The following VEGFC variants were observed in gnomAD, a reference collection of about 807,000 sequenced individuals.
The protein encoded by VEGFC is vascular endothelial growth factor C.
Under a neutral mutation model 46.1 loss-of-function variants are expected in VEGFC, and 12 were observed. The ratio of observed to expected loss-of-function variants is 0.26; its 90% CI spans 0.17 to 0.42. The LOEUF (loss-of-function observed/expected upper bound fraction) is 0.42. Ranked by LOEUF, VEGFC falls within the 10% of genes least tolerant of loss-of-function variation. The pLI, the probability that VEGFC is intolerant of heterozygous loss-of-function variation, is 1.00. For synonymous variants in VEGFC, 232 were observed against 195.5 expected (o/e 1.19, Z -1.56); for missense variants, 488 against 529.4 (o/e 0.92, Z 0.77).
intron 3 of VEGFC, among the ~76,000 whole-genome samples, chr4:176,723,881 A>G (rs1283625858): frequency 6.7e-6 from 1 of 148,790 alleles, no homozygotes; most frequent in Non-Finnish European, 1.5e-5. Flanking sequence ...TTTGTTACAT[A>G]GGTAAACTTT....
chr4:176,727,766 G>C lies in VEGFC; in HGVS notation c.552+12C>G, dbSNP rs372658424. ...GGGGCTCTCGCAGGTAGCAGGAATG[G>C]GCAATACCCACCGTCTTGCTGAGGT... On this transcript the variant is annotated intron_variant, in intron 3 of 6. Coordinates refer to ENST00000618562, the MANE Select transcript of VEGFC (RefSeq NM_005429.5). The C allele has an allele frequency of 1.1e-5, 17 of 1,605,258 alleles. No individual in the cohort carries two copies. The highest frequency in any genetic ancestry group is 1.4e-5 in the Non-Finnish European group (17 of 1,175,298).
intron 1 of VEGFC, 109 bp from the exon 2 acceptor site, chr4:176,729,855 C>A (rs1734932802): frequency 3.2e-6 from 2 of 631,500 alleles, no homozygotes; most frequent in East Asian, 3.4e-5. Flanking sequence ...TTCCCTAACA[C>A]AAATATTATT....
intron 1 of VEGFC, among the ~76,000 whole-genome samples, chr4:176,737,886 A>G (rs1301463891): frequency 6.6e-6 from 1 of 151,928 alleles, no homozygotes; most frequent in Non-Finnish European, 1.5e-5. Flanking sequence ...ATATTGTGGT[A>G]CATTCTTCAG....
Position 176,684,974 on chromosome 4 carries a change from G to A in VEGFC, c.1146-934C>T, listed in dbSNP as rs144422200. Among the ~76,000 whole-genome samples, 1,305 of 152,274 alleles carry A rather than the reference G, an allele frequency of 8.6e-3. 21 individuals are homozygous for A. The highest frequency in any genetic ancestry group is 0.03 in the African/African-American group (1,249 of 41,548). ...ACTCCTGGCCTCAAGTGATCTGCCC[G>A]CCTTGGCCTTCCAAAGTGCTAGGAT... On this transcript the variant is annotated intron_variant, in intron 6 of 6. Coordinates refer to ENST00000618562, the MANE Select transcript of VEGFC (RefSeq NM_005429.5).
chr4:176,751,732 TA>T (rs202122127), intron 1 of VEGFC, among the ~76,000 whole-genome samples: 20 of 150,872 alleles, frequency 1.3e-4, no homozygotes, highest in Admixed American at 7.3e-4. Context: ...TGTGTAAACG[TA>T]AAAAAAAAGC....
chr4:176,711,735 T>C (rs1734623878), intron 3 of VEGFC, 85 bp from the exon 4 acceptor site: 2 of 1,383,700 alleles, frequency 1.4e-6, no homozygotes, highest in African/African-American at 2.9e-5. Context: ...CGAAAAAGAG[T>C]GAGATTAGCT....
At chr4:176,691,412 G>A (rs3775198) in intron 4 of VEGFC, among the ~76,000 whole-genome samples, 35,057 of 152,030 alleles carry the variant, frequency 0.23, 6,628 homozygotes, top group African/African-American at 0.52. Context: ...TGCAAGGTAT[G>A]TCTATGTTGA....
intron 1 of VEGFC, among the ~76,000 whole-genome samples, chr4:176,759,976 TAA>T (rs202196961): frequency 0.011 from 1,699 of 152,058 alleles, 24 homozygotes; most frequent in Middle Eastern, 0.099. Flanking sequence ...TGTAAAGAAA[TAA>T]GTGTTTTTAC....
intron 4 of VEGFC, among the ~76,000 whole-genome samples, chr4:176,701,412 G>A (rs558363838): frequency 1.7e-4 from 26 of 152,146 alleles, no homozygotes; most frequent in African/African-American, 5.5e-4. Context: ...CCATAATTTC[G>A]GTGCAGAGAT....
At chr4:176,740,777 C>A (rs1054209959) in intron 1 of VEGFC, among the ~76,000 whole-genome samples, 5 of 151,530 alleles carry the variant, frequency 3.3e-5, no homozygotes, top group African/African-American at 1.2e-4. Flanking sequence ...TAAGCAAAGA[C>A]AAAAATCACA....
chr4:176,720,842 T>C (rs1734773702), intron 3 of VEGFC, among the ~76,000 whole-genome samples: 1 of 78,242 alleles, frequency 1.3e-5, no homozygotes, highest in Non-Finnish European at 2.5e-5. Flanking sequence ...AGACTCCATC[T>C]AAAAAAAAAA....
intron 1 of VEGFC, among the ~76,000 whole-genome samples, chr4:176,736,154 T>C (rs1735049411): frequency 6.6e-6 from 1 of 151,858 alleles, no homozygotes; most frequent in African/African-American, 2.4e-5. Context: ...CCTAAGTCAC[T>C]AGTGCAAAAA....
chr4:176,716,584 G>GAAAAAAAAAAAAAAAAAAA (rs57274087), intron 3 of VEGFC, among the ~76,000 whole-genome samples: 74 of 43,690 alleles, frequency 1.7e-3, no homozygotes, highest in African/African-American at 2.8e-3. Flanking sequence ...CTCCCTCTCC[G>GAAAAAAAAAAAAAAAAAAA]AAAAAAAAAA....
At chr4:176,688,129 TG>T (rs1734080031) in intron 4 of VEGFC, among the ~76,000 whole-genome samples, 1 of 152,238 alleles carries the variant, frequency 6.6e-6, no homozygotes, top group Admixed American at 6.5e-5. Context: ...GATCACTGTT[TG>T]TGGTATGGTC....
intron 4 of VEGFC, among the ~76,000 whole-genome samples, chr4:176,704,471 A>T (rs1209337038): frequency 1.3e-5 from 2 of 152,090 alleles, no homozygotes; most frequent in African/African-American, 4.8e-5. Flanking sequence ...ATACAGTTTC[A>T]TCCTCAACTT....
intron 3 of VEGFC, among the ~76,000 whole-genome samples, chr4:176,721,074 A>G (rs140356232): frequency 6.6e-6 from 1 of 152,130 alleles, no homozygotes; most frequent in Non-Finnish European, 1.5e-5. Context: ...CAGCATTGCA[A>G]TACTGGAGGT....
intron 1 of VEGFC, among the ~76,000 whole-genome samples, chr4:176,767,123 T>TAAAAAAAAAAAAAAAAAAAAAAAAA (rs70964805): frequency 2.0e-5 from 1 of 50,480 alleles, no homozygotes; most frequent in East Asian, 7.8e-4. Flanking sequence ...TGTAGAAATC[T>TAAAAAAAAAAAAAAAAAAAAAAAAA]AAAAAAAAAA....
In VEGFC at chr4:176,792,131, C is replaced by T. The variant is rs201514876; in HGVS notation, c.147+34G>A. On this transcript the variant is annotated intron_variant, in intron 1 of 6. Transcript: ENST00000618562. The surrounding 1 kb of genome is among the most constrained non-coding windows in gnomAD (Gnocchi z 6.3). ...TCCGCCGCAGACCCTAACGCAAACT[C>T]TCGGGTTCTCCGCAAACCCTAACGC... 31 of 1,436,534 alleles carry T rather than the reference C, an allele frequency of 2.2e-5. No individual in the cohort carries two copies. Among genetic ancestry groups the T allele is most frequent in the Admixed American group, 1.4e-4 (5 of 35,452 alleles). The allele number at this position is 1,436,534 out of a possible 1,614,324, so 89.0% of individuals were successfully genotyped here.
intron 4 of VEGFC, 43 bp from the exon 5 acceptor site, chr4:176,687,970 A>T (rs758711536): frequency 8.8e-7 from 1 of 1,134,190 alleles, no homozygotes; most frequent in Non-Finnish European, 1.3e-6. Flanking sequence ...TGTAACTGGT[A>T]CCTAGAAGGG....
Sources: gnomAD v4.1 joint callset for allele counts (sites outside exome capture counted in the v4.1 genomes callset) on GRCh38, gnomAD v4.1.1 for gene constraint, Gnocchi (gnomAD v3.1) non-coding constraint, MANE v1.5 for transcripts, NCBI Gene and HGNC (gene_info 2026-07-23, HGNC 2026-07-21) for gene names.